The following API5 variants were observed in gnomAD, a reference collection of about 807,000 sequenced individuals.
The protein encoded by API5 is FIF.
In API5, 6 loss-of-function variants were observed where a neutral mutation model predicts 71.9. The observed-to-expected ratio is 0.08, with a 90% CI of 0.05 to 0.16. The LOEUF (loss-of-function observed/expected upper bound fraction) is 0.16. API5 is among the 10% of genes least tolerant of loss of function. The pLI, the probability that API5 is intolerant of heterozygous loss-of-function variation, is 1.00. For missense variants in API5, 332 were observed against 612.8 expected (o/e 0.54, Z 4.84); for synonymous variants, 189 against 221.3 (o/e 0.85, Z 1.30).
At chr11:43,330,459 C>A (rs778591766) in intron 10 of API5, 49 bp from the exon 11 acceptor site, 14 of 1,286,410 alleles carry the variant, frequency 1.1e-5, no homozygotes, top group Non-Finnish European at 1.5e-5. Context: ...TGGATTATGC[C>A]TCATAGAAGT....
intron 2 of API5, chr11:43,319,026 C>T (rs953884244): frequency 1.3e-5 from 6 of 450,512 alleles, no homozygotes; most frequent in African/African-American, 4.0e-5. Flanking sequence ...TACTTAGTTT[C>T]GCTTATCATT....
intron 2 of API5, among the ~76,000 whole-genome samples, chr11:43,319,353 G>A (rs1290486885): frequency 3.9e-5 from 6 of 152,156 alleles, no homozygotes; most frequent in South Asian, 4.1e-4. Flanking sequence ...ATATTCAGCC[G>A]TTAGCTCTTG....
chr11:43,325,055 G>A (rs1855023231), intron 6 of API5, among the ~76,000 whole-genome samples: 1 of 151,388 alleles, frequency 6.6e-6, no homozygotes, highest in Non-Finnish European at 1.5e-5. Flanking sequence ...TGACTTTGCA[G>A]TAAAGTATAT....
intron 13 of API5, among the ~76,000 whole-genome samples, chr11:43,340,871 T>C (rs1565115269): frequency 6.6e-6 from 1 of 152,126 alleles, no homozygotes; most frequent in Non-Finnish European, 1.5e-5. Context: ...CTTCAGGACA[T>C]TGGTCTGGGA....
In API5 at chr11:43,342,742, G is replaced by T; in HGVS notation, c.*232G>T. 1.5e-6 allele frequency: 1 copy of T among 651,546 alleles called. No homozygotes were observed. The allele number at this position is 651,546 out of a possible 1,614,324, so 40.4% of individuals were successfully genotyped here. ...TTGTCTGCAATCTTGACTTGTTTTT[G>T]CAGTATCATTATTCAGACTTCAAAT... On this transcript the variant is annotated 3_prime_UTR_variant, in exon 14 of 14. Coordinates refer to ENST00000531273, the MANE Select transcript of API5 (RefSeq NM_001142930.2).
chr11:43,321,626 A>T, intron 4 of API5, 150 bp downstream of exon 4: 1 of 634,158 alleles, frequency 1.6e-6, no homozygotes, highest in Non-Finnish European at 2.6e-6. Context: ...TTAGGTCAAG[A>T]TGTTTATGAC....
intron 1 of API5, 123 bp downstream of exon 1, chr11:43,312,319 T>G (rs2134330336): frequency 9.6e-7 from 1 of 1,040,206 alleles, no homozygotes; most frequent in East Asian, 2.6e-5. Flanking sequence ...CCTCCTAGCC[T>G]CCTCAGGCCG....
chr11:43,335,740 C>A, intron 12 of API5, 118 bp from the exon 13 acceptor site: 1 of 1,171,528 alleles, frequency 8.5e-7, no homozygotes, highest in Non-Finnish European at 1.2e-6. Flanking sequence ...TTCCTTTTTT[C>A]TGATGAGATT....
intron 11 of API5, among the ~76,000 whole-genome samples, chr11:43,333,316 G>A (rs1855319333): frequency 1.3e-5 from 2 of 152,118 alleles, no homozygotes; most frequent in South Asian, 2.1e-4. Flanking sequence ...ATAATTAAAA[G>A]TCTCAGGGTC....
In API5 at chr11:43,342,440, C is replaced by T; in HGVS notation, c.1505C>T (p.Ala502Val). The stretch of plus-strand genomic sequence containing the variant: ...CGCTTTTTCGTAGAGCAGAGAGGAG[C>T]CTTCAGGGGAAGTAGAGGTGGCCGA... ...LGNFNYEQRG[A>V]FRGSRGGRGW... Residue 502 changes from alanine to valine, a missense_variant, in exon 14 of 14, where the codon GCC becomes GTC. By Grantham distance (64) the Ala-to-Val change is moderately conservative (BLOSUM62 0). Around this residue, in one of 3 missense-constraint regions of API5, gnomAD observed 168 missense variants for 343.9 expected, o/e 0.49. Coordinates refer to ENST00000531273, the MANE Select transcript of API5 (RefSeq NM_001142930.2). 3.1e-6 allele frequency: 5 copies of T among 1,608,034 alleles called. No homozygotes were observed. The highest frequency in any genetic ancestry group is 4.2e-6 in the Non-Finnish European group (5 of 1,176,764).
intron 6 of API5, among the ~76,000 whole-genome samples, chr11:43,324,159 A>G (rs1159624709): frequency 6.6e-6 from 1 of 152,142 alleles, no homozygotes; most frequent in East Asian, 1.9e-4. Context: ...CTGCTACTAC[A>G]GTCATGCACT....
rs547975334 is a variant in API5, at chr11:43,329,015, G to T, written c.1127+122G>T. Reference sequence around the variant, plus strand: ...TGCCTTACCCCAGTGATACAGATTGGAGGGTTCAGAAAATGGGCATGTTTG... The same window carrying T: ...TGCCTTACCCCAGTGATACAGATTGTAGGGTTCAGAAAATGGGCATGTTTG... On this transcript the variant is annotated intron_variant, in intron 9 of 13. Transcript: ENST00000531273. 4.6e-5 allele frequency: 46 copies of T among 989,330 alleles called. No individual in the cohort carries two copies. The East Asian group carries it at 1.0e-3, about 23-fold the overall frequency. 61.3% of individuals were successfully genotyped at this position (989,330 alleles called of 1,614,324 possible). A position where few individuals can be genotyped will look rare whatever the true frequency, so the allele number is the denominator to read the frequency against.
In API5 at chr11:43,312,106, G is replaced by C. The variant is rs1292218807; in HGVS notation, c.-22G>C. 1.2e-6 allele frequency: 2 copies of C among 1,613,008 alleles called. No individual in the cohort carries two copies. The highest frequency in any genetic ancestry group is 2.7e-5 in the African/African-American group (2 of 74,906). ...GGTCAGGACAAGGATAGCGGAACCG[G>C]GCCCTGGGCTTGTCGCTCACCATGC... On this transcript the variant is annotated 5_prime_UTR_variant, in exon 1 of 14. Transcript: ENST00000531273.
chr11:43,329,181 A>C, intron 9 of API5: 1 of 266,314 alleles, frequency 3.8e-6, no homozygotes, highest in Non-Finnish European at 7.2e-6. Context: ...TCTCTATAAA[A>C]AATAACTTTA....
chr11:43,337,816 CCTTTTTA>C, intron 13 of API5, among the ~76,000 whole-genome samples: 1 of 152,092 alleles, frequency 6.6e-6, no homozygotes, highest in Non-Finnish European at 1.5e-5. Context: ...GAATTGTACT[CCTTTTTA>C]TTGGACAAGT....
At chr11:43,332,763 T>A (rs1855301352) in intron 11 of API5, among the ~76,000 whole-genome samples, 1 of 152,170 alleles carries the variant, frequency 6.6e-6, no homozygotes, top group Non-Finnish European at 1.5e-5. Context: ...GATTAAATCA[T>A]TGGCCATCAG....
intron 2 of API5, among the ~76,000 whole-genome samples, chr11:43,320,181 G>A (rs1854824062): frequency 6.6e-6 from 1 of 151,674 alleles, no homozygotes; most frequent in Middle Eastern, 3.2e-3. Context: ...AAGTAGCTGG[G>A]ACTATAGGCG....
Position 43,323,711 on chromosome 11 carries a change from T to G in API5, c.750+75T>G, listed in dbSNP as rs545188503. The G allele has an allele frequency of 3.6e-6, 5 of 1,402,652 alleles. No homozygotes were observed. In the African/African-American group the frequency reaches 4.3e-5, roughly 12 times the overall value. 86.9% of individuals were successfully genotyped at this position (1,402,652 alleles called of 1,614,324 possible). On this transcript the variant is annotated intron_variant, in intron 6 of 13. Coordinates refer to ENST00000531273, the MANE Select transcript of API5 (RefSeq NM_001142930.2). ...ATAAATACTCACTTTAACATTCCCCTTAAACCTTTCCAGTAGTGTCCCTTA... is the reference window on the plus strand; with the variant it reads ...ATAAATACTCACTTTAACATTCCCCGTAAACCTTTCCAGTAGTGTCCCTTA...
At chr11:43,336,863 C>T (rs1855451197) in intron 13 of API5, among the ~76,000 whole-genome samples, 1 of 151,916 alleles carries the variant, frequency 6.6e-6, no homozygotes, top group African/African-American at 2.4e-5. Flanking sequence ...CAAAAATTTG[C>T]CAGGTGTGGT....
Sources: allele counts gnomAD v4.1 joint callset (sites outside exome capture counted in the v4.1 genomes callset), GRCh38; gene constraint gnomAD v4.1.1; regional missense constraint gnomAD v4.1.1; transcripts MANE v1.5; gene names NCBI Gene and HGNC (gene_info 2026-07-23, HGNC 2026-07-21).